Variants in BNC1 observed in about 807,000 individuals in gnomAD.
BNC1 encodes basonuclin zinc finger protein 1, also known as zinc finger protein basonuclin-1.
Under a neutral mutation model 66.5 loss-of-function variants are expected in BNC1, and 8 were observed. The observed-to-expected ratio is 0.12, with a 90% CI of 0.07 to 0.22. The LOEUF (loss-of-function observed/expected upper bound fraction) is 0.22. BNC1 is among the 10% of genes least tolerant of loss of function. The probability of loss-of-function intolerance (pLI) is 1.00; values close to 1 mark genes in which losing one functional copy is unlikely to be tolerated. For missense variants in BNC1, 1,069 were observed against 1,241.3 expected (o/e 0.86, Z 2.09); for synonymous variants, 454 against 452.6 (o/e 1.00, Z -0.04).
rs2038176027 is a variant in BNC1 at position 83,263,627 on chromosome 15, T to A, written c.1624A>T (p.Met542Leu). The A allele has an allele frequency of 6.2e-7, 1 of 1,614,262 alleles. No individual in the cohort carries two copies. Among genetic ancestry groups the A allele is most frequent in the Non-Finnish European group, 8.5e-7 (1 of 1,180,050 alleles). The change falls in exon 4 of 5, where the codon ATG becomes TTG. Residue 542 changes from methionine to leucine, a missense_variant. Coordinates refer to ENST00000345382, the MANE Select transcript of BNC1 (RefSeq NM_001717.4). ...LPKKKSRKSSMPIKIEKEAVE... is the reference protein window; with the variant it reads ...LPKKKSRKSSLPIKIEKEAVE... ...GCTTCTTTCTCTATTTTGATAGGCA[T>A]ACTGGACTTCCTGGATTTCTTCTTG...
rs771874808 is a variant in BNC1 at position 83,264,709 on chromosome 15, T to C, written c.542A>G (p.Glu181Gly). ...LRFGETKSIVELMAIQEKEEQ... is the reference protein window; with the variant it reads ...LRFGETKSIVGLMAIQEKEEQ... ...TTCTTTCTCTTGAATTGCCATGAGT[T>C]CAACTATAGATTTGGTCTCTCCAAA... Residue 181 changes from glutamate to glycine, a missense_variant, in exon 4 of 5, where the codon GAA becomes GGA. By Grantham distance (98) the Glu-to-Gly change is moderately conservative (BLOSUM62 -2). This residue lies in a region of BNC1 where 181 missense variants were observed against 181.5 expected (regional missense o/e 1.00). Coordinates refer to ENST00000345382, the MANE Select transcript of BNC1 (RefSeq NM_001717.4). 1.9e-6 allele frequency: 3 copies of C among 1,614,024 alleles called. No individual in the cohort carries two copies. The African/African-American group carries it at 4.0e-5, about 22-fold the overall frequency.
chr15:83,279,806 G>A (rs2038360758), intron 1 of BNC1, among the ~76,000 whole-genome samples: 1 of 152,168 alleles, frequency 6.6e-6, no homozygotes, highest in African/African-American at 2.4e-5. Context: ...AACACTAAAG[G>A]AGAATGGACA....
chr15:83,270,951 T>C (rs775965081), intron 1 of BNC1, among the ~76,000 whole-genome samples: 1 of 152,310 alleles, frequency 6.6e-6, no homozygotes, highest in East Asian at 1.9e-4. Context: ...GTTAATTTCA[T>C]GGTATGTCAA....
Position 83,263,685 on chromosome 15 carries a change from G to A in BNC1, c.1566C>T (p.Leu522=). 1 of 1,614,184 alleles carries A rather than the reference G, an allele frequency of 6.2e-7. No homozygotes were observed. The change falls in exon 4 of 5, where the codon CTC becomes CTT. Residue 522 remains leucine, a synonymous_variant. Transcript: ENST00000345382. ...PLLSSSIPEQ[L]ISNEMPFDAL... is the part of the protein sequence containing the mutation. ...CATCAAATGGCATTTCGTTTGAAAT[G>A]AGCTGTTCTGGGATTGAAGAGGACA...
chr15:83,282,769 C>G (rs2038392250), intron 1 of BNC1, among the ~76,000 whole-genome samples: 1 of 152,184 alleles, frequency 6.6e-6, no homozygotes, highest in South Asian at 2.1e-4. Flanking sequence ...ACTGTCAAGC[C>G]AAAATCTTGT....
rs961596009 is a variant in BNC1, at chr15:83,263,753, C to T, written c.1498G>A (p.Glu500Lys). ...AGTATCCCAGGCGTGTTTGCTACCT[C>T]GGCAGGCGTGGCTGGACTGCGGTAG... ...PFYRSPATPAEVANTPGILPS... is the reference protein window; with the variant it reads ...PFYRSPATPAKVANTPGILPS... The change falls in exon 4 of 5, where the codon GAG becomes AAG. Residue 500 changes from glutamate (E) to lysine (K), a missense_variant. Glu to Lys is a moderately conservative substitution (Grantham distance 56). Coordinates refer to ENST00000345382, the MANE Select transcript of BNC1 (RefSeq NM_001717.4). 8 of 1,614,184 alleles carry T rather than the reference C, an allele frequency of 5.0e-6. No individual in the cohort carries two copies. The highest frequency in any genetic ancestry group is 6.8e-6 in the Non-Finnish European group (8 of 1,180,038).
rs1400140767 is a variant in BNC1 at position 83,263,567 on chromosome 15, T to C, written c.1684A>G (p.Ser562Gly). Residue 562 changes from serine to glycine, a missense_variant, in exon 4 of 5, where the codon AGC (serine) becomes GGC (glycine). Around this residue, in one of 7 missense-constraint regions of BNC1, gnomAD observed 657 missense variants for 715.8 expected, o/e 0.92. Coordinates refer to ENST00000345382, the MANE Select transcript of BNC1 (RefSeq NM_001717.4). Reference sequence around the variant, plus strand: ...TGTAGGGGCATGTCTTCATCTGAGCTGAGGTTGTGTCTTTTCTCATTAGCT... The same window carrying C: ...TGTAGGGGCATGTCTTCATCTGAGCCGAGGTTGTGTCTTTTCTCATTAGCT... ...EIANEKRHNL[S>G]SDEDMPLQVV... 6.2e-7 allele frequency: 1 copy of C among 1,614,152 alleles called. No homozygotes were observed. The highest frequency in any genetic ancestry group is 1.3e-5 in the African/African-American group (1 of 74,952).
intron 1 of BNC1, among the ~76,000 whole-genome samples, chr15:83,281,859 C>G (rs530564028): frequency 6.6e-6 from 1 of 152,348 alleles, no homozygotes; most frequent in Admixed American, 6.5e-5. Context: ...GATCGTCTTT[C>G]CAATCTGATG....
At chr15:83,269,448 C>T (rs577893954) in intron 1 of BNC1, among the ~76,000 whole-genome samples, 7 of 151,942 alleles carry the variant, frequency 4.6e-5, no homozygotes, top group South Asian at 2.1e-4. Context: ...TGTGTGTGCG[C>T]GCGCATCTGG....
In BNC1 at chr15:83,264,671, T is replaced by G; in HGVS notation, c.580A>C (p.Ile194Leu). Residue 194 changes from isoleucine (I) to leucine (L), a missense_variant, in exon 4 of 5, where the codon ATC becomes CTC. Physicochemically the swap from Ile to Leu is conservative, Grantham distance 5. This residue lies in a region of BNC1 where 181 missense variants were observed against 181.5 expected (regional missense o/e 1.00). Coordinates refer to ENST00000345382, the MANE Select transcript of BNC1 (RefSeq NM_001717.4). ...AIQEKEEQSI[I>L]IPPSTANVDI... ...ACATTTGCTGTGGAAGGTGGTATGA[T>G]GATGGATTGCTCTTCTTTCTCTTGA... is the stretch of plus-strand genomic sequence containing the variant. The G allele has an allele frequency of 6.2e-7, 1 of 1,614,164 alleles. No individual in the cohort carries two copies. The highest frequency in any genetic ancestry group is 1.7e-5 in the Admixed American group (1 of 60,034).
At chr15:83,266,721 A>AT (rs1181822263) in intron 3 of BNC1, 115 bp downstream of exon 3, 1 of 931,968 alleles carries the variant, frequency 1.1e-6, no homozygotes, top group African/African-American at 1.6e-5. Context: ...AGAAGTATTA[A>AT]AGGGAAAGAT....
At chr15:83,260,428 C>T (rs1016510340) in intron 4 of BNC1, among the ~76,000 whole-genome samples, 2 of 151,956 alleles carry the variant, frequency 1.3e-5, no homozygotes, top group African/African-American at 4.8e-5. Flanking sequence ...TAGAGAAAAG[C>T]TCTTGAGTAA....
rs1427020797 is a variant in BNC1, at chr15:83,264,355, A to G, written c.896T>C (p.Val299Ala). Residue 299 changes from valine (V) to alanine (A), a missense_variant, in exon 4 of 5, where the codon GTT (valine) becomes GCT (alanine). Physicochemically the swap from Val to Ala is moderately conservative, Grantham distance 64. Transcript: ENST00000345382. ...ACAGTTTAAACACTGATCTTTTTCAACCTGAAATGGTGTGGAACTGGAAGT... is the reference window on the plus strand; with the variant it reads ...ACAGTTTAAACACTGATCTTTTTCAGCCTGAAATGGTGTGGAACTGGAAGT... The part of the protein sequence containing the change: ...FLTSSSTPFQ[V>A]EKDQCLNCPD... The G allele has an allele frequency of 6.2e-6, 10 of 1,613,984 alleles. No homozygotes were observed. Among genetic ancestry groups the G allele is most frequent in the South Asian group, 2.2e-5 (2 of 91,072 alleles).
intron 1 of BNC1, among the ~76,000 whole-genome samples, chr15:83,270,428 G>T (rs569626480): frequency 2.4e-4 from 37 of 152,172 alleles, no homozygotes; most frequent in Non-Finnish European, 5.0e-4. Flanking sequence ...CAAAGCAGCT[G>T]TATCATTTTA....
chr15:83,264,759 C>T lies in BNC1; in HGVS notation c.492G>A (p.Val164=). 1.2e-6 allele frequency: 2 copies of T among 1,614,110 alleles called. No individual in the cohort carries two copies. The highest frequency in any genetic ancestry group is 1.7e-6 in the Non-Finnish European group (2 of 1,180,024). Residue 164 remains valine, a synonymous_variant, in exon 4 of 5, where the codon GTG becomes GTA. Transcript: ENST00000345382. Reference sequence around the variant, plus strand: ...AACGAAGGAACTGCTGCAAGGTGGCCACTTCTTCCTCACTGGTCATGATGC... The same window carrying T: ...AACGAAGGAACTGCTGCAAGGTGGCTACTTCTTCCTCACTGGTCATGATGC... ...HWSIMTSEEE[V]ATLQQFLRFG...
intron 1 of BNC1, among the ~76,000 whole-genome samples, chr15:83,276,122 A>C (rs2038320434): frequency 6.6e-6 from 1 of 152,096 alleles, no homozygotes; most frequent in Admixed American, 6.5e-5. Flanking sequence ...ACTCCTGCCT[A>C]CCTCAGAGGC....
intron 4 of BNC1, among the ~76,000 whole-genome samples, chr15:83,258,400 A>G (rs1029426463): frequency 1.3e-5 from 2 of 152,128 alleles, no homozygotes; most frequent in Non-Finnish European, 2.9e-5. Context: ...TGTTTGATGT[A>G]CTTTCTGTAC....
intron 2 of BNC1, among the ~76,000 whole-genome samples, chr15:83,267,778 A>G (rs1416113176): frequency 6.6e-6 from 1 of 152,206 alleles, no homozygotes; most frequent in Admixed American, 6.5e-5. Flanking sequence ...TACCTAGGCT[A>G]AAAAACAATC....
chr15:83,265,190 CTTCT>C (rs1432362920), intron 3 of BNC1, among the ~76,000 whole-genome samples: 2 of 152,200 alleles, frequency 1.3e-5, no homozygotes, highest in African/African-American at 2.4e-5. Context: ...ACAATAGTAA[CTTCT>C]TTATCTAAAG....
Sources: allele counts gnomAD v4.1 joint callset (sites outside exome capture counted in the v4.1 genomes callset), GRCh38; gene constraint gnomAD v4.1.1; regional missense constraint gnomAD v4.1.1; transcripts MANE v1.5; gene names NCBI Gene and HGNC (gene_info 2026-07-23, HGNC 2026-07-21).